SMARCA1: variants seen among roughly 807,000 people sequenced by gnomAD.
The protein encoded by SMARCA1 is SWI/SNF-related matrix-associated actin-dependent regulator of chromatin subfamily A member 1.
In SMARCA1, 17 loss-of-function variants were observed where a neutral mutation model predicts 93.6. The observed-to-expected ratio is 0.18, with a 90% CI of 0.12 to 0.27. The LOEUF (loss-of-function observed/expected upper bound fraction) is 0.27, where lower values mean the gene tolerates loss of function less well. Among genes scored for constraint, SMARCA1 ranks in the 10% least tolerant of loss-of-function variants. The pLI is 1.00. For synonymous variants in SMARCA1, 271 were observed against 271.4 expected (o/e 1.00, Z 0.01); for missense variants, 630 against 819.0 (o/e 0.77, Z 2.82).
At chrX:129,515,629 A>G (rs1935169404) in intron 5 of SMARCA1, 58 bp downstream of exon 5, 1 of 890,067 alleles carries the variant, frequency 1.1e-6, no homozygotes, top group African/African-American at 1.9e-5. Context: ...CAGGTTTTTC[A>G]AATTTACATA....
chrX:129,503,964 C>CAA (rs77290378), intron 9 of SMARCA1, among the ~76,000 whole-genome samples: 10 of 60,196 alleles, frequency 1.7e-4, no homozygotes, highest in Admixed American at 4.2e-4. Context: ...GACTCTCTCT[C>CAA]AAAAAAAAAA....
chrX:129,465,197 T>C (rs991361843), intron 23 of SMARCA1, among the ~76,000 whole-genome samples: 1 of 111,803 alleles, frequency 8.9e-6, no homozygotes, highest in African/African-American at 3.3e-5. Context: ...TCTTAGGAGA[T>C]ACATGCTTAA....
intron 23 of SMARCA1, among the ~76,000 whole-genome samples, chrX:129,453,428 T>A (rs753574263): frequency 1.9e-4 from 21 of 111,497 alleles, no homozygotes; most frequent in Non-Finnish European, 4.0e-4. Context: ...TTCAACACAG[T>A]ATTGGAAGTT....
chrX:129,478,516 T>C (rs1021536253), intron 19 of SMARCA1, among the ~76,000 whole-genome samples: 1 of 111,206 alleles, frequency 9.0e-6, no homozygotes, highest in East Asian at 2.8e-4. Flanking sequence ...CCTTCCTTTC[T>C]ACCACCCTTA....
At chrX:129,463,140 A>G (rs1932834928) in intron 23 of SMARCA1, among the ~76,000 whole-genome samples, 1 of 111,765 alleles carries the variant, frequency 8.9e-6, no homozygotes, top group Admixed American at 9.5e-5. Context: ...TCAAAATTCA[A>G]TAACTGTTCT....
In SMARCA1 at chrX:129,506,174, C is replaced by T. The variant is rs1346665772; in HGVS notation, c.1004G>A (p.Arg335His). Reference protein sequence around the residue: ...EIVREFKSTNRLLLTGTPLQN... With the variant: ...EIVREFKSTNHLLLTGTPLQN... ...CAAAGGTGTTCCAGTTAGGAGCAAG[C>T]GGTTAGTCGACTTGAACTCACGAAC... The change falls in exon 8 of 25, where the codon CGC (arginine) becomes CAC (histidine). Residue 335 changes from arginine (R) to histidine (H), a missense_variant. This residue lies in a region of SMARCA1 where 382 missense variants were observed against 537.9 expected (regional missense o/e 0.71). Coordinates refer to ENST00000371121, the MANE Select transcript of SMARCA1 (RefSeq NM_001282874.2). 4 of 1,193,064 alleles carry T rather than the reference C, an allele frequency of 3.4e-6. No homozygotes were observed. The highest frequency in any genetic ancestry group is 3.0e-5 in the East Asian group (1 of 33,770).
chrX:129,517,576 A>C (rs1935249695), intron 2 of SMARCA1, among the ~76,000 whole-genome samples: 1 of 111,103 alleles, frequency 9.0e-6, no homozygotes, highest in Non-Finnish European at 1.9e-5. Context: ...TTGCCTACCT[A>C]CATTAGATGT....
rs1440771643 is a variant in SMARCA1 at position 129,496,795 on chromosome X, A to G, written c.1581T>C (p.Tyr527=). 8.3e-7 allele frequency: 1 copy of G among 1,205,392 alleles called. No individual in the cohort carries two copies. The highest frequency in any genetic ancestry group is 1.1e-6 in the Non-Finnish European group (1 of 889,786). The change falls in exon 12 of 25, where the codon TAT becomes TAC. Residue 527 remains tyrosine, a synonymous_variant. Transcript: ENST00000371121. The part of the protein sequence containing the change: ...ILEDYCMWRG[Y]EYCRLDGQTP... ...TTTGTCCATCCAGTCGACAATACTC[A>G]TAACCACGCCACATGCAATAATCTT...
chrX:129,481,224 C>A, intron 17 of SMARCA1, 39 bp from the exon 18 acceptor site: 1 of 839,995 alleles, frequency 1.2e-6, no homozygotes. Context: ...TTAATGACTC[C>A]AAACAACAGT....
intron 12 of SMARCA1, among the ~76,000 whole-genome samples, chrX:129,493,622 C>T (rs1420173562): frequency 9.0e-6 from 1 of 111,691 alleles, no homozygotes; most frequent in East Asian, 2.8e-4. Context: ...TGAATCACAA[C>T]TTCACCACTG....
rs1243710176 is a variant in SMARCA1 at position 129,446,549 on chromosome X, A to C, written c.*613T>G. 1 of 112,693 alleles carries C rather than the reference A, an allele frequency of 8.9e-6. No individual in the cohort carries two copies. The highest frequency in any genetic ancestry group is 1.9e-5 in the Non-Finnish European group (1 of 53,303). The allele number at this position is 112,693 out of a possible 1,213,427, so 9.3% of individuals were successfully genotyped here. On this transcript the variant is annotated 3_prime_UTR_variant, in exon 25 of 25. Transcript: ENST00000371121. ...TTATTATATTTTCCCACTTGAATAGAGAATAATTTAAATGTAATGCATACT... is the reference window on the plus strand; with the variant it reads ...TTATTATATTTTCCCACTTGAATAGCGAATAATTTAAATGTAATGCATACT...
At chrX:129,497,437 C>T (rs1410746967) in intron 11 of SMARCA1, among the ~76,000 whole-genome samples, 1 of 111,603 alleles carries the variant, frequency 9.0e-6, no homozygotes, top group Non-Finnish European at 1.9e-5. Context: ...GCCACTCTAC[C>T]CCAAGTACCA....
chrX:129,485,588 G>T (rs1475013291), intron 17 of SMARCA1, among the ~76,000 whole-genome samples: 2 of 111,211 alleles, frequency 1.8e-5, no homozygotes, highest in Non-Finnish European at 3.8e-5. Flanking sequence ...GAGGCCAGGG[G>T]CAGAATGCTA....
intron 1 of SMARCA1, among the ~76,000 whole-genome samples, chrX:129,521,044 A>ATTTT (rs61606302): frequency 3.9e-5 from 4 of 102,966 alleles, no homozygotes; most frequent in African/African-American, 1.4e-4. Flanking sequence ...CACTTGGCTA[A>ATTTT]TTTTTTTTTT....
At position 129,505,383 on chromosome X, in the gene SMARCA1, G is replaced by A. The variant is rs1376936074; in HGVS notation, c.1099-581C>T. On this transcript the variant is annotated intron_variant, in intron 8 of 24. Transcript: ENST00000371121. ...AAAAATTAGCCAGGTGTGGTGACGG[G>A]CACCTGTAATCCCAGCTACTGGGGA... Among the ~76,000 whole-genome samples the A allele has an allele frequency of 8.2e-5, 9 of 110,152 alleles. No homozygotes were observed. In the Admixed American group the frequency reaches 8.8e-4, roughly 11 times the overall value.
chrX:129,500,349 G>A (rs1281175506), intron 9 of SMARCA1, among the ~76,000 whole-genome samples: 2 of 111,734 alleles, frequency 1.8e-5, no homozygotes, highest in Non-Finnish European at 3.8e-5. Flanking sequence ...TGTATCTTTA[G>A]TAGAGACAGG....
chrX:129,522,160 A>T (rs908721432), intron 1 of SMARCA1, among the ~76,000 whole-genome samples: 3 of 111,385 alleles, frequency 2.7e-5, no homozygotes, highest in African/African-American at 6.5e-5. Context: ...CAATTTTTCA[A>T]CGTTTTATAG....
chrX:129,468,253 G>A (rs1348831832), intron 21 of SMARCA1, among the ~76,000 whole-genome samples: 1 of 112,396 alleles, frequency 8.9e-6, no homozygotes, highest in Non-Finnish European at 1.9e-5. Context: ...TTGAGGACCA[G>A]TTAACAGATT....
intron 8 of SMARCA1, among the ~76,000 whole-genome samples, chrX:129,505,806 C>T (rs1934786256): frequency 9.0e-6 from 1 of 110,912 alleles, no homozygotes; most frequent in Non-Finnish European, 1.9e-5. Flanking sequence ...GGTGAATGCA[C>T]TACTATGGAC....
Sources: gnomAD v4.1 joint callset for allele counts (sites outside exome capture counted in the v4.1 genomes callset) on GRCh38, gnomAD v4.1.1 for gene constraint, gnomAD v4.1.1 regional missense constraint, MANE v1.5 for transcripts, NCBI Gene and HGNC (gene_info 2026-07-23, HGNC 2026-07-21) for gene names.